Variants in TACR1 observed in about 807,000 individuals in gnomAD.
TACR1 encodes the protein substance-P receptor.
In TACR1, 25 loss-of-function variants were observed where a neutral mutation model predicts 35.8. The ratio of observed to expected loss-of-function variants is 0.70; its 90% CI spans 0.51 to 0.98. The LOEUF (loss-of-function observed/expected upper bound fraction) is 0.98. Ranked by LOEUF, TACR1 falls within the 50% of genes least tolerant of loss-of-function variation. TACR1 has a pLI of 0.00. For synonymous variants in TACR1, 195 were observed against 206.7 expected, an observed-to-expected ratio of 0.94 and a Z score of 0.48; for missense variants, 478 against 522.9, an observed-to-expected ratio of 0.91 and a Z score of 0.84.
intron 1 of TACR1, among the ~76,000 whole-genome samples, chr2:75,131,281 G>T (rs545600022): frequency 1.3e-4 from 20 of 151,994 alleles, no homozygotes; most frequent in African/African-American, 4.8e-4. Flanking sequence ...GTAGAGACTG[G>T]GTTTCACTGT....
Position 75,053,589 on chromosome 2 carries a change from C to T in TACR1, c.735+16G>A. On this transcript the variant is annotated intron_variant, in intron 3 of 4. Transcript: ENST00000305249. ...TCTGTGCCAGGGTGGGTTAGTTCTG[C>T]CTGTCCCCTGCTCACCTTGCGCTTG... 1.3e-6 allele frequency: 2 copies of T among 1,511,992 alleles called. No individual in the cohort carries two copies. The allele number at this position is 1,511,992 out of a possible 1,614,324, so 93.7% of individuals were successfully genotyped here.
At chr2:75,057,086 C>T (rs1221262531) in intron 2 of TACR1, among the ~76,000 whole-genome samples, 1 of 152,208 alleles carries the variant, frequency 6.6e-6, no homozygotes, top group African/African-American at 2.4e-5. Flanking sequence ...TGTCAGGCCT[C>T]TGAGCCCAAG....
chr2:75,186,371 C>CAAAAAAAAAAA (rs373147504), intron 1 of TACR1, among the ~76,000 whole-genome samples: 44 of 81,696 alleles, frequency 5.4e-4, no homozygotes, highest in Non-Finnish European at 8.2e-4. Context: ...GACTCTGTCT[C>CAAAAAAAAAAA]AAAAAAAAAA....
intron 1 of TACR1, among the ~76,000 whole-genome samples, chr2:75,181,520 C>A (rs1675558363): frequency 6.6e-6 from 1 of 152,032 alleles, no homozygotes; most frequent in Non-Finnish European, 1.5e-5. Flanking sequence ...TAACATTATC[C>A]CTATGGTCAT....
At chr2:75,154,450 A>ACACACACACT (rs1362786009) in intron 1 of TACR1, 3 of 89,176 alleles carry the variant, frequency 3.4e-5, no homozygotes, top group African/African-American at 1.3e-4. Flanking sequence ...ACACACACAC[A>ACACACACACT]CTCTGAAGAA....
intron 1 of TACR1, among the ~76,000 whole-genome samples, chr2:75,176,816 C>T (rs923364636): frequency 2.0e-5 from 3 of 152,194 alleles, no homozygotes; most frequent in Admixed American, 2.0e-4. Context: ...TTCCTTACTT[C>T]CCTGACCACC....
intron 2 of TACR1, among the ~76,000 whole-genome samples, chr2:75,101,995 A>G (rs926688182): frequency 2.6e-5 from 4 of 152,170 alleles, no homozygotes; most frequent in Non-Finnish European, 2.9e-5. Context: ...GACATGCCAT[A>G]TGGGTTGCTT....
chr2:75,064,395 G>A lies in TACR1; in HGVS notation c.585-10640C>T, dbSNP rs11674088. On this transcript the variant is annotated intron_variant, in intron 2 of 4. Transcript: ENST00000305249. ...ATTGCTGAGAGAGGACAAGTTAGAC[G>A]GTCTTTGGGTTGGCTGGGGAGCTTA... 4.2e-3 allele frequency among the ~76,000 whole-genome samples: 638 copies of A among 152,336 alleles called. 3 individuals carry two copies. Among genetic ancestry groups the A allele is most frequent in the Non-Finnish European group, 7.0e-3 (477 of 68,034 alleles).
chr2:75,074,624 A>G (rs969066944), intron 2 of TACR1, among the ~76,000 whole-genome samples: 1 of 152,248 alleles, frequency 6.6e-6, no homozygotes, highest in South Asian at 2.1e-4. Context: ...TTTTTCTTTT[A>G]AAGTGAGAAA....
chr2:75,082,552 G>T (rs1262511715), intron 2 of TACR1, among the ~76,000 whole-genome samples: 2 of 152,224 alleles, frequency 1.3e-5, no homozygotes, highest in Non-Finnish European at 1.5e-5. Context: ...CAGTGTAAAA[G>T]TGTTCCTATT....
intron 1 of TACR1, among the ~76,000 whole-genome samples, chr2:75,168,135 A>G (rs569603543): frequency 6.6e-6 from 1 of 152,242 alleles, no homozygotes; most frequent in Non-Finnish European, 1.5e-5. Context: ...ATGTAGAAGA[A>G]TACTTGTTGT....
intron 2 of TACR1, among the ~76,000 whole-genome samples, chr2:75,075,871 C>T (rs1451143755): frequency 6.6e-6 from 1 of 152,212 alleles, no homozygotes; most frequent in African/African-American, 2.4e-5. Flanking sequence ...AATATATAAT[C>T]TTAATGTCCA....
At chr2:75,123,372 C>T (rs1261219831) in intron 1 of TACR1, among the ~76,000 whole-genome samples, 1 of 152,126 alleles carries the variant, frequency 6.6e-6, no homozygotes, top group Admixed American at 6.5e-5. Context: ...TAAACAAATC[C>T]TAACACCACT....
intron 1 of TACR1, among the ~76,000 whole-genome samples, chr2:75,177,267 C>A (rs1264888835): frequency 2.6e-5 from 4 of 152,166 alleles, no homozygotes; most frequent in Admixed American, 6.5e-5. Flanking sequence ...GACCTTTTCA[C>A]CCCTGGCTCA....
intron 1 of TACR1, among the ~76,000 whole-genome samples, chr2:75,193,272 G>A (rs1675893948): frequency 1.3e-5 from 2 of 152,182 alleles, no homozygotes; most frequent in African/African-American, 2.4e-5. Context: ...ATGTCTTACT[G>A]CCTCAGAATA....
intron 1 of TACR1, among the ~76,000 whole-genome samples, chr2:75,137,589 C>T (rs552605881): frequency 1.6e-3 from 250 of 151,780 alleles, no homozygotes; most frequent in African/African-American, 5.3e-3. Flanking sequence ...CTTAGCTGGG[C>T]GTGGTGGCGG....
intron 2 of TACR1, among the ~76,000 whole-genome samples, chr2:75,066,792 C>T (rs1219639707): frequency 6.6e-6 from 1 of 152,174 alleles, no homozygotes; most frequent in Non-Finnish European, 1.5e-5. Context: ...TTGGGCAATG[C>T]AATTTATGTG....
At chr2:75,098,463 C>T (rs551382997) in intron 2 of TACR1, among the ~76,000 whole-genome samples, 69 of 152,260 alleles carry the variant, frequency 4.5e-4, no homozygotes, top group South Asian at 2.1e-3. Context: ...AATTCATCCT[C>T]AAATATCCCA....
chr2:75,193,430 C>A (rs1021835795), intron 1 of TACR1, among the ~76,000 whole-genome samples: 4 of 152,190 alleles, frequency 2.6e-5, no homozygotes, highest in Non-Finnish European at 4.4e-5. Flanking sequence ...TCTCTAGCCT[C>A]ACTTCTCAAG....
Sources: gnomAD v4.1 joint callset for allele counts (sites outside exome capture counted in the v4.1 genomes callset) on GRCh38, gnomAD v4.1.1 for gene constraint, MANE v1.5 for transcripts, NCBI Gene and HGNC (gene_info 2026-07-23, HGNC 2026-07-21) for gene names.